The following NAPEPLD variants were observed in gnomAD, a reference collection of about 807,000 sequenced individuals.
NAPEPLD encodes the protein N-acyl phosphatidylethanolamine phospholipase D, also known as N-acyl-phosphatidylethanolamine-hydrolyzing phospholipase D.
NAPEPLD carries 23 observed loss-of-function variants against 38.1 expected under a neutral mutation model. The observed-to-expected ratio is 0.60, with a 90% CI of 0.43 to 0.86. The LOEUF is 0.86. Among genes scored for constraint, NAPEPLD ranks in the 40% least tolerant of loss-of-function variants. The pLI is 0.00. For missense variants in NAPEPLD, 411 were observed against 476.8 expected (o/e 0.86, Z 1.28); for synonymous variants, 147 against 162.0 (o/e 0.91, Z 0.71).
intron 2 of NAPEPLD, among the ~76,000 whole-genome samples, chr7:103,120,706 T>TTTC (rs1305395979): frequency 2.4e-5 from 2 of 84,734 alleles, no homozygotes; most frequent in African/African-American, 5.4e-5. Flanking sequence ...TTTTTCTTTT[T>TTTC]TTTTTTTTTT....
chr7:103,129,357 C>T (rs893134135), intron 1 of NAPEPLD: 11 of 983,182 alleles, frequency 1.1e-5, no homozygotes, highest in Non-Finnish European at 1.3e-5. Flanking sequence ...TTTCCCCAGC[C>T]AGCATGTAAG....
chr7:103,102,211 A>G lies in NAPEPLD; in HGVS notation c.*1218T>C, dbSNP rs1287340696. On this transcript the variant is annotated 3_prime_UTR_variant, in exon 5 of 5. Transcript: ENST00000465647. ...AATTCAAAGAATATGGTCTATTAAC[A>G]TTTTGTCTGTAAAATATTTCATTGT... The G allele has an allele frequency of 6.6e-6, 1 of 152,200 alleles. No homozygotes were observed. The highest frequency in any genetic ancestry group is 1.5e-5 in the Non-Finnish European group (1 of 68,026). The allele number at this position is 152,200 out of a possible 1,614,324, so 9.4% of individuals were successfully genotyped here.
chr7:103,121,394 A>G (rs952805176), intron 2 of NAPEPLD, among the ~76,000 whole-genome samples: 2 of 152,142 alleles, frequency 1.3e-5, no homozygotes, highest in Admixed American at 6.5e-5. Flanking sequence ...ATAGGAAGCC[A>G]CCTCATGAAA....
chr7:103,146,169 G>A (rs905597504), intron 1 of NAPEPLD, among the ~76,000 whole-genome samples: 13 of 152,076 alleles, frequency 8.5e-5, no homozygotes, highest in African/African-American at 2.9e-4. Context: ...GCTGTCATCC[G>A]GGTGTCCTAT....
In NAPEPLD at chr7:103,119,838, A is replaced by G; in HGVS notation, c.680T>C (p.Val227Ala). 1 of 1,614,118 alleles carries G rather than the reference A, an allele frequency of 6.2e-7. No homozygotes were observed. Among genetic ancestry groups the G allele is most frequent in the Non-Finnish European group, 8.5e-7 (1 of 1,180,026 alleles). Residue 227 changes from valine to alanine, a missense_variant, in exon 3 of 5, where the codon GTG becomes GCG. Transcript: ENST00000465647. ...DWMQKCGCEN[V>A]IELDWWEENC... ...CTCCTCCCACCAGTCCAACTCAATC[A>G]CATTCTCACAGCCACATTTTTGCAT...
chr7:103,128,732 T>C lies in NAPEPLD; in HGVS notation c.45A>G (p.Gln15=). The change falls in exon 2 of 5, where the codon CAA becomes CAG. Residue 15 remains glutamine (Q), a synonymous_variant. Transcript: ENST00000465647. ...GTTTTCTTACTGCTTCTTTAGGATA[T>C]TGGCTGCTTGTCATCAGAGACTGGT... ...ESNQSLMTSS[Q]YPKEAVRKRQ... 3 of 1,613,978 alleles carry C rather than the reference T, an allele frequency of 1.9e-6. No homozygotes were observed. Among genetic ancestry groups the C allele is most frequent in the South Asian group, 2.2e-5 (2 of 91,000 alleles).
chr7:103,128,807 G>A lies in NAPEPLD; in HGVS notation c.-16-15C>T, dbSNP rs199885213. On this transcript the variant is annotated splice_polypyrimidine_tract_variant and intron_variant, in intron 1 of 4. Coordinates refer to ENST00000465647, the MANE Select transcript of NAPEPLD (RefSeq NM_001122838.3). ...TTGGTGAAGAACTAAAAAAAACAAG[G>A]GGGAAAAATACTGAGTTGAACATAA... 5.7e-6 allele frequency: 9 copies of A among 1,591,844 alleles called. No homozygotes were observed. The highest frequency in any genetic ancestry group is 7.7e-6 in the Non-Finnish European group (9 of 1,172,374).
In NAPEPLD at chr7:103,115,097, A is replaced by G; in HGVS notation, c.1019T>C (p.Met340Thr). 6.2e-7 allele frequency: 1 copy of G among 1,614,054 alleles called. No individual in the cohort carries two copies. The highest frequency in any genetic ancestry group is 1.1e-5 in the South Asian group (1 of 91,058). Residue 340 changes from methionine to threonine, a missense_variant, in exon 4 of 5, where the codon ATG (methionine) becomes ACG (threonine). Physicochemically the swap from Met to Thr is moderately conservative, Grantham distance 81. Transcript: ENST00000465647. ...GGCAAAAGTTCCCCAGTGAATTGCC[A>G]TAGATTTCTTTGTTTGGACATCAGT... is the stretch of plus-strand genomic sequence containing the variant. ...IHTDVQTKKS[M>T]AIHWGTFALA...
chr7:103,142,888 G>A (rs1396343824), intron 1 of NAPEPLD, among the ~76,000 whole-genome samples: 1 of 151,994 alleles, frequency 6.6e-6, no homozygotes, highest in African/African-American at 2.4e-5. Context: ...AAGACAGAGA[G>A]ACAAAAGTCA....
intron 2 of NAPEPLD, among the ~76,000 whole-genome samples, chr7:103,124,250 G>C (rs2129529520): frequency 6.6e-6 from 1 of 152,288 alleles, no homozygotes; most frequent in South Asian, 2.1e-4. Context: ...CCTGAGGTCA[G>C]GAGTTTGAGA....
intron 1 of NAPEPLD, among the ~76,000 whole-genome samples, chr7:103,143,418 A>G (rs1268355011): frequency 6.6e-6 from 1 of 152,102 alleles, no homozygotes; most frequent in Non-Finnish European, 1.5e-5. Context: ...CTTCTCAGTA[A>G]CAGAACCCGT....
intron 1 of NAPEPLD, among the ~76,000 whole-genome samples, chr7:103,146,429 G>T (rs1812578473): frequency 2.0e-5 from 3 of 152,082 alleles, no homozygotes; most frequent in Admixed American, 2.0e-4. Context: ...TCTTGTAATT[G>T]AGAGAGATTA....
chr7:103,138,763 C>T (rs1215258895), intron 1 of NAPEPLD, among the ~76,000 whole-genome samples: 1 of 152,234 alleles, frequency 6.6e-6, no homozygotes, highest in Non-Finnish European at 1.5e-5. Context: ...AGCCACCACA[C>T]CCAGCCTTCT....
upstream of NAPEPLD, among the ~76,000 whole-genome samples, chr7:103,149,871 C>G (rs1051104685): frequency 2.0e-5 from 3 of 152,212 alleles, no homozygotes; most frequent in Non-Finnish European, 4.4e-5. Flanking sequence ...TGAATACTTA[C>G]AGCCTATGGC....
chr7:103,112,940 A>T (rs1285082881), intron 4 of NAPEPLD, among the ~76,000 whole-genome samples: 1 of 152,222 alleles, frequency 6.6e-6, no homozygotes. Flanking sequence ...GGTTTATAAC[A>T]GGAATAATTC....
chr7:103,118,955 C>G (rs548049359), intron 3 of NAPEPLD, among the ~76,000 whole-genome samples: 1 of 152,292 alleles, frequency 6.6e-6, no homozygotes, highest in East Asian at 1.9e-4. Flanking sequence ...AAACCCTCAC[C>G]AGGGACTAAT....
At chr7:103,137,815 C>CAAAAAAAAAAAAAAAAAAAA (rs79429621) in intron 1 of NAPEPLD, among the ~76,000 whole-genome samples, 2 of 107,530 alleles carry the variant, frequency 1.9e-5, no homozygotes, top group African/African-American at 7.0e-5. Flanking sequence ...GATGCTGTCT[C>CAAAAAAAAAAAAAAAAAAAA]AAAAAAAAAA....
intron 4 of NAPEPLD, among the ~76,000 whole-genome samples, chr7:103,108,917 C>CA (rs1056087230): frequency 1.9e-4 from 28 of 150,868 alleles, no homozygotes; most frequent in East Asian, 1.6e-3. Flanking sequence ...AAATGGAAAG[C>CA]AAAAAAAAGC....
chr7:103,111,998 A>G (rs1315547746), intron 4 of NAPEPLD, among the ~76,000 whole-genome samples: 1 of 150,468 alleles, frequency 6.6e-6, no homozygotes, highest in African/African-American at 2.4e-5. Flanking sequence ...CAAACATATG[A>G]AAAAAAAAAC....
Sources: allele counts gnomAD v4.1 joint callset (sites outside exome capture counted in the v4.1 genomes callset), GRCh38; gene constraint gnomAD v4.1.1; transcripts MANE v1.5; gene names NCBI Gene and HGNC (gene_info 2026-07-23, HGNC 2026-07-21).